The following OSBPL6 variants were observed in gnomAD, a reference collection of about 807,000 sequenced individuals.
The protein encoded by OSBPL6 is oxysterol binding protein like 6.
OSBPL6 carries 49 observed loss-of-function variants against 125.8 expected under a neutral mutation model. The ratio of observed to expected loss-of-function variants is 0.39; its 90% confidence interval spans 0.31 to 0.49. The LOEUF (loss-of-function observed/expected upper bound fraction) is 0.49. OSBPL6 is among the 20% of genes least tolerant of loss of function. The pLI is 0.88. For missense variants in OSBPL6, 986 were observed against 1,135.4 expected (o/e 0.87, Z 1.89); for synonymous variants, 394 against 391.8 (o/e 1.01, Z -0.07).
At chr2:178,305,539 C>G (rs1216183267) in intron 2 of OSBPL6, among the ~76,000 whole-genome samples, 1 of 152,216 alleles carries the variant, frequency 6.6e-6, no homozygotes, top group African/African-American at 2.4e-5. Flanking sequence ...ATATGTATTC[C>G]TGGATCCTTC....
At chr2:178,257,406 G>A (rs969981837) in intron 1 of OSBPL6, among the ~76,000 whole-genome samples, 6 of 152,026 alleles carry the variant, frequency 3.9e-5, no homozygotes, top group African/African-American at 7.3e-5. Flanking sequence ...ACCAAATAAC[G>A]TTTTTATTAT....
intron 18 of OSBPL6, among the ~76,000 whole-genome samples, chr2:178,384,510 G>A (rs540053923): frequency 6.6e-6 from 1 of 152,304 alleles, no homozygotes; most frequent in African/African-American, 2.4e-5. Flanking sequence ...TGGAAATGGA[G>A]ACTTCCAGGT....
chr2:178,397,913 G>A lies in OSBPL6; in HGVS notation c.*2354G>A, dbSNP rs757500470. On this transcript the variant is annotated 3_prime_UTR_variant, in exon 25 of 25. Transcript: ENST00000190611. ...ACTTCAAGATGAGAATGAGAAAAAT[G>A]TCTATTAAAATCACTACATTTGATA... 3 of 152,214 alleles carry A rather than the reference G, an allele frequency of 2.0e-5. No individual in the cohort carries two copies. The highest frequency in any genetic ancestry group is 6.5e-5 in the Admixed American group (1 of 15,284). 9.4% of individuals were successfully genotyped at this position (152,214 alleles called of 1,614,324 possible).
chr2:178,241,569 C>A (rs1049139348), intron 1 of OSBPL6, among the ~76,000 whole-genome samples: 1 of 151,962 alleles, frequency 6.6e-6, no homozygotes, highest in South Asian at 2.1e-4. Flanking sequence ...GCTCGCACTA[C>A]TATGCCTGGC....
chr2:178,385,580 C>A, intron 19 of OSBPL6, 59 bp downstream of exon 19: 1 of 1,282,916 alleles, frequency 7.8e-7, no homozygotes, highest in Non-Finnish European at 1.1e-6. Flanking sequence ...AAATATCTGG[C>A]TTCCAAAGGG....
At chr2:178,246,322 T>G (rs575776614) in intron 1 of OSBPL6, among the ~76,000 whole-genome samples, 1 of 152,344 alleles carries the variant, frequency 6.6e-6, no homozygotes, top group Admixed American at 6.5e-5. Flanking sequence ...AGTCTCTGAC[T>G]ATGGACCAGC....
At chr2:178,376,520 C>A (rs1473441246) in intron 15 of OSBPL6, among the ~76,000 whole-genome samples, 1 of 152,150 alleles carries the variant, frequency 6.6e-6, no homozygotes, top group Non-Finnish European at 1.5e-5. Flanking sequence ...AGTCTCATAA[C>A]TTTTCCAGTC....
At chr2:178,287,803 A>C (rs1684848573) in intron 2 of OSBPL6, among the ~76,000 whole-genome samples, 1 of 152,022 alleles carries the variant, frequency 6.6e-6, no homozygotes, top group Admixed American at 6.6e-5. Context: ...GCTTTCAGAA[A>C]ACCTTCTTAT....
chr2:178,255,548 T>G (rs2091857624), intron 1 of OSBPL6, among the ~76,000 whole-genome samples: 1 of 152,202 alleles, frequency 6.6e-6, no homozygotes, highest in African/African-American at 2.4e-5. Context: ...ATCAGATAGT[T>G]CTCTGGTATC....
intron 1 of OSBPL6, among the ~76,000 whole-genome samples, chr2:178,208,365 A>G (rs2089651700): frequency 6.6e-6 from 1 of 152,122 alleles, no homozygotes; most frequent in Non-Finnish European, 1.5e-5. Flanking sequence ...TTATCATCAA[A>G]TAGTTGAGAA....
chr2:178,394,204 T>C, intron 23 of OSBPL6, 109 bp from the exon 24 acceptor site: 5 of 1,378,336 alleles, frequency 3.6e-6, no homozygotes, highest in Non-Finnish European at 5.1e-6. Flanking sequence ...TCCGTTACTG[T>C]GCGGTATTTT....
chr2:178,231,752 T>C (rs2090831602), intron 1 of OSBPL6, among the ~76,000 whole-genome samples: 1 of 150,090 alleles, frequency 6.7e-6, no homozygotes, highest in South Asian at 2.1e-4. Context: ...CCTCAAGTGA[T>C]CCTCCTGCCT....
intron 1 of OSBPL6, among the ~76,000 whole-genome samples, chr2:178,241,751 A>T (rs1559152615): frequency 6.6e-6 from 1 of 152,186 alleles, no homozygotes; most frequent in Non-Finnish European, 1.5e-5. Flanking sequence ...AGTTGTGCCA[A>T]GTTAAAATAA....
chr2:178,326,249 A>G (rs557589563), intron 4 of OSBPL6, among the ~76,000 whole-genome samples: 40 of 152,080 alleles, frequency 2.6e-4, no homozygotes, highest in Non-Finnish European at 4.0e-4. Flanking sequence ...AAACGTGTGC[A>G]CATACAGTTT....
At chr2:178,240,391 G>A (rs983573314) in intron 1 of OSBPL6, among the ~76,000 whole-genome samples, 1 of 151,996 alleles carries the variant, frequency 6.6e-6, no homozygotes, top group African/African-American at 2.4e-5. Context: ...GACATGGCGA[G>A]ACCCCCATCT....
At chr2:178,349,425 C>G (rs1408094325) in intron 12 of OSBPL6, 36 bp downstream of exon 12, 2 of 1,583,546 alleles carry the variant, frequency 1.3e-6, no homozygotes, top group Non-Finnish European at 1.7e-6. Flanking sequence ...TAAAGAAGCT[C>G]TCTTCTTTGA....
At chr2:178,257,477 A>T (rs1047292795) in intron 1 of OSBPL6, among the ~76,000 whole-genome samples, 1 of 152,238 alleles carries the variant, frequency 6.6e-6, no homozygotes, top group African/African-American at 2.4e-5. Flanking sequence ...TTAAAAAGTG[A>T]ATAAACTTTT....
At chr2:178,361,437 G>T (rs1467782930) in intron 12 of OSBPL6, among the ~76,000 whole-genome samples, 1 of 152,116 alleles carries the variant, frequency 6.6e-6, no homozygotes, top group Admixed American at 6.5e-5. Context: ...GCTACTTCCA[G>T]ATTTTTGTTG....
chr2:178,345,643 G>A (rs1690627910), intron 11 of OSBPL6, among the ~76,000 whole-genome samples: 1 of 148,686 alleles, frequency 6.7e-6, no homozygotes, highest in African/African-American at 2.6e-5. Context: ...TATATAATCA[G>A]TTAAGTATTA....
Sources: gnomAD v4.1 joint callset for allele counts (sites outside exome capture counted in the v4.1 genomes callset) on GRCh38, gnomAD v4.1.1 for gene constraint, MANE v1.5 for transcripts, NCBI Gene and HGNC (gene_info 2026-07-23, HGNC 2026-07-21) for gene names.